Variants in ENTPD1 observed in about 807,000 individuals in gnomAD.
The protein encoded by ENTPD1 is ATP diphosphohydrolase.
Under a neutral mutation model 57.0 loss-of-function variants are expected in ENTPD1, and 33 were observed. That is an observed-to-expected ratio of 0.58 (90% CI 0.44 to 0.77). ENTPD1 has a LOEUF of 0.77. Among genes scored for constraint, ENTPD1 ranks in the 30% least tolerant of loss-of-function variants. The pLI is 0.00. For missense variants in ENTPD1, 501 were observed against 603.4 expected (o/e 0.83, Z 1.78); for synonymous variants, 202 against 218.8 (o/e 0.92, Z 0.68).
chr10:95,818,080 G>C (rs998384461), intron 1 of ENTPD1, among the ~76,000 whole-genome samples: 4 of 152,180 alleles, frequency 2.6e-5, no homozygotes, highest in Admixed American at 6.5e-5. Flanking sequence ...GTAGAGTATA[G>C]GGGGAGCATA....
At position 95,867,837 on chromosome 10, in the gene ENTPD1, CT is replaced by C; in HGVS notation, c.*1455del. The C allele has an allele frequency of 1.0e-6, 1 of 985,420 alleles. No homozygotes were observed. The highest frequency in any genetic ancestry group is 1.2e-6 in the Non-Finnish European group (1 of 829,914). 61.0% of individuals were successfully genotyped at this position (985,420 alleles called of 1,614,324 possible). A position where few individuals can be genotyped will look rare whatever the true frequency, so the allele number is the denominator to read the frequency against. On this transcript the variant is annotated 3_prime_UTR_variant, in exon 10 of 10. Coordinates refer to ENST00000371205, the MANE Select transcript of ENTPD1 (RefSeq NM_001776.6). Reference sequence around the variant, plus strand: ...ACACAAACCGGAAGCCAAATGTCCCCTATCTCTTGAATGATCAAGTCACTTT... The same window carrying C: ...ACACAAACCGGAAGCCAAATGTCCCCATCTCTTGAATGATCAAGTCACTTT...
intron 1 of ENTPD1, among the ~76,000 whole-genome samples, chr10:95,729,957 A>G (rs1235267257): frequency 2.0e-5 from 3 of 152,208 alleles, no homozygotes; most frequent in African/African-American, 4.8e-5. Context: ...AAACACTGAA[A>G]TCTCCACTTA....
intron 2 of ENTPD1, among the ~76,000 whole-genome samples, chr10:95,835,308 T>C (rs1424765082): frequency 1.3e-5 from 2 of 152,240 alleles, no homozygotes; most frequent in Non-Finnish European, 2.9e-5. Context: ...CCATGGTGCA[T>C]ATGTACCACA....
intron 3 of ENTPD1, among the ~76,000 whole-genome samples, chr10:95,840,923 C>T (rs2098421121): frequency 6.6e-6 from 1 of 152,126 alleles, no homozygotes; most frequent in South Asian, 2.1e-4. Flanking sequence ...CACAGGTCGT[C>T]AAGAAAGTAG....
chr10:95,854,966 A>G (rs538521007), intron 7 of ENTPD1, among the ~76,000 whole-genome samples: 2 of 152,116 alleles, frequency 1.3e-5, no homozygotes, highest in Non-Finnish European at 2.9e-5. Context: ...CTTGGTGCAG[A>G]GCTGAGTTCA....
Position 95,867,909 on chromosome 10 carries a change from G to A in ENTPD1, c.*1526G>A. On this transcript the variant is annotated 3_prime_UTR_variant, in exon 10 of 10. Transcript: ENST00000371205. ...TAAAAACTTAATAAAGCTGTGGAAA[G>A]GAACTCTTAATCTTCTTTTCTGCTA... 2 of 985,426 alleles carry A rather than the reference G, an allele frequency of 2.0e-6. No individual in the cohort carries two copies. Among genetic ancestry groups the A allele is most frequent in the Non-Finnish European group, 2.4e-6 (2 of 829,926 alleles). The allele number at this position is 985,426 out of a possible 1,614,324, so 61.0% of individuals were successfully genotyped here.
chr10:95,716,471 AG>A (rs2097971697), intron 1 of ENTPD1, among the ~76,000 whole-genome samples: 1 of 152,192 alleles, frequency 6.6e-6, no homozygotes, highest in Non-Finnish European at 1.5e-5. Flanking sequence ...AGACTTTAAA[AG>A]GCATTTGAGT....
intron 1 of ENTPD1, among the ~76,000 whole-genome samples, chr10:95,713,581 C>T (rs575475824): frequency 2.2e-4 from 34 of 152,338 alleles, no homozygotes; most frequent in African/African-American, 7.7e-4. Context: ...TGCTTTCACA[C>T]CTGTGGCCTG....
chr10:95,789,519 CT>C (rs761670390), intron 1 of ENTPD1, among the ~76,000 whole-genome samples: 1 of 152,024 alleles, frequency 6.6e-6, no homozygotes, highest in Non-Finnish European at 1.5e-5. Context: ...ACATTTGACC[CT>C]TGCACAACAC....
At chr10:95,839,488 C>A (rs1471779200) in intron 2 of ENTPD1, 7 of 625,652 alleles carry the variant, frequency 1.1e-5, no homozygotes, top group Admixed American at 4.9e-5. Flanking sequence ...TTCTAACATG[C>A]AAACAGCATG....
chr10:95,742,561 AT>A (rs991121915), intron 1 of ENTPD1, among the ~76,000 whole-genome samples: 1 of 146,806 alleles, frequency 6.8e-6, no homozygotes, highest in Admixed American at 6.9e-5. Context: ...TTTTAGACCA[AT>A]GGGAATATTG....
intron 2 of ENTPD1, 106 bp downstream of exon 2, chr10:95,823,470 C>G: frequency 3.9e-6 from 6 of 1,550,190 alleles, no homozygotes; most frequent in Non-Finnish European, 5.3e-6. Context: ...AGTTGAGGTT[C>G]TAACAGCCCA....
At chr10:95,809,685 C>T (rs563132499) in intron 1 of ENTPD1, among the ~76,000 whole-genome samples, 96 of 137,224 alleles carry the variant, frequency 7.0e-4, no homozygotes, top group African/African-American at 1.6e-3. Context: ...GGGTGGCCGC[C>T]GGGCAGAGGC....
At chr10:95,704,631 C>G in the ENTPD1 span, among the ~76,000 whole-genome samples, 1 of 152,012 alleles carries the variant, frequency 6.6e-6, no homozygotes, top group South Asian at 2.1e-4. Flanking sequence ...TTACCTATAC[C>G]CAAACATCAA....
intron 2 of ENTPD1, 80 bp downstream of exon 2, chr10:95,823,444 T>C: frequency 3.1e-6 from 5 of 1,602,028 alleles, no homozygotes; most frequent in Non-Finnish European, 3.4e-6. Context: ...ATAAGGTATG[T>C]AGAGCATAGG....
chr10:95,771,551 C>G (rs928748510), intron 1 of ENTPD1, among the ~76,000 whole-genome samples: 1 of 152,196 alleles, frequency 6.6e-6, no homozygotes. Flanking sequence ...CCTTTTCTTC[C>G]TACCATGCTT....
chr10:95,771,657 T>C (rs1433812259), intron 1 of ENTPD1, among the ~76,000 whole-genome samples: 1 of 152,192 alleles, frequency 6.6e-6, no homozygotes, highest in Admixed American at 6.5e-5. Flanking sequence ...GGCTCCCACT[T>C]ATCCCAAACT....
At chr10:95,808,799 T>C (rs998826330) in intron 1 of ENTPD1, among the ~76,000 whole-genome samples, 2 of 151,216 alleles carry the variant, frequency 1.3e-5, no homozygotes, top group Admixed American at 6.6e-5. Context: ...AATAGGACAA[T>C]AGTGGAGAGA....
Position 95,868,129 on chromosome 10 carries a change from T to C in ENTPD1, c.*1746T>C. Reference sequence around the variant, plus strand: ...CTCACAACAATCTGAAGAAGGTAGGTATTACAATTCCCACTTCATAGAAAC... The same window carrying C: ...CTCACAACAATCTGAAGAAGGTAGGCATTACAATTCCCACTTCATAGAAAC... On this transcript the variant is annotated 3_prime_UTR_variant, in exon 10 of 10. Transcript: ENST00000371205. 2.0e-6 allele frequency: 2 copies of C among 984,038 alleles called. No homozygotes were observed. The highest frequency in any genetic ancestry group is 2.4e-6 in the Non-Finnish European group (2 of 828,632). The allele number at this position is 984,038 out of a possible 1,614,324, so 61.0% of individuals were successfully genotyped here.
Sources: allele counts gnomAD v4.1 joint callset (sites outside exome capture counted in the v4.1 genomes callset), GRCh38; gene constraint gnomAD v4.1.1; transcripts MANE v1.5; gene names NCBI Gene and HGNC (gene_info 2026-07-23, HGNC 2026-07-21).